The following PDE11A variants were observed in gnomAD, a reference collection of about 807,000 sequenced individuals.
PDE11A encodes the protein dual 3',5'-cyclic-AMP and -GMP phosphodiesterase 11A.
In PDE11A, 100 loss-of-function variants were observed where a neutral mutation model predicts 100.5. The observed-to-expected ratio is 1.00, with a 90% confidence interval of 0.85 to 1.18. PDE11A has a LOEUF of 1.18. Ranked by LOEUF, PDE11A falls within the 50% of genes most tolerant of loss-of-function variation. The probability of loss-of-function intolerance (pLI) is 0.00; values close to 1 mark genes in which losing one functional copy is unlikely to be tolerated. For missense variants in PDE11A, 1,141 were observed against 1,152.6 expected (o/e 0.99, Z 0.15); for synonymous variants, 381 against 420.8 (o/e 0.91, Z 1.16).
intron 2 of PDE11A, among the ~76,000 whole-genome samples, chr2:178,089,703 T>G (rs2087397956): frequency 6.6e-6 from 1 of 152,214 alleles, no homozygotes; most frequent in African/African-American, 2.4e-5. Flanking sequence ...AAACGATCTT[T>G]GTTAATGGCT....
At chr2:177,985,372 A>T (rs1435068029) in intron 2 of PDE11A, among the ~76,000 whole-genome samples, 1 of 152,186 alleles carries the variant, frequency 6.6e-6, no homozygotes, top group Admixed American at 6.6e-5. Flanking sequence ...TCATTGAAGG[A>T]TTGACACAAT....
At chr2:177,786,627 T>C (rs189302632) in intron 9 of PDE11A, among the ~76,000 whole-genome samples, 4,661 of 152,128 alleles carry the variant, frequency 0.031, 104 homozygotes, top group Non-Finnish European at 0.047. Context: ...GGCAAAGAAG[T>C]TAAAAACTTT....
chr2:177,750,552 T>A (rs1440559988), intron 10 of PDE11A, among the ~76,000 whole-genome samples: 1 of 152,208 alleles, frequency 6.6e-6, no homozygotes, highest in Non-Finnish European at 1.5e-5. Flanking sequence ...TTTGACAATG[T>A]GAGGCCAAGG....
intron 9 of PDE11A, among the ~76,000 whole-genome samples, chr2:177,800,713 A>T (rs1284806685): frequency 1.3e-5 from 2 of 152,096 alleles, no homozygotes; most frequent in African/African-American, 4.8e-5. Flanking sequence ...AGGGATCCAG[A>T]ATCCACTGAG....
At chr2:177,898,021 C>T in intron 4 of PDE11A, 37 bp downstream of exon 4, 1 of 1,521,518 alleles carries the variant, frequency 6.6e-7, no homozygotes, top group East Asian at 2.3e-5. Context: ...ATTCCATTCA[C>T]ACAGTCTTCA....
At chr2:178,098,818 T>C (rs555054244) in intron 2 of PDE11A, among the ~76,000 whole-genome samples, 16 of 152,310 alleles carry the variant, frequency 1.1e-4, no homozygotes, top group African/African-American at 3.6e-4. Context: ...ATTCAATGTG[T>C]TCCTACTGCA....
At chr2:177,681,908 T>A (rs1013462955) in intron 15 of PDE11A, among the ~76,000 whole-genome samples, 13 of 152,226 alleles carry the variant, frequency 8.5e-5, no homozygotes, top group Non-Finnish European at 1.2e-4. Context: ...TATATTTATT[T>A]GACATATTTT....
intron 4 of PDE11A, among the ~76,000 whole-genome samples, chr2:177,884,953 T>C (rs1284447428): frequency 6.6e-6 from 1 of 152,098 alleles, no homozygotes; most frequent in African/African-American, 2.4e-5. Context: ...ACTTACTAAA[T>C]GGTGATGGTT....
At chr2:178,066,402 T>C (rs961599653) in intron 1 of PDE11A, among the ~76,000 whole-genome samples, 1 of 152,166 alleles carries the variant, frequency 6.6e-6, no homozygotes, top group Non-Finnish European at 1.5e-5. Context: ...CTTTTTATCA[T>C]TGAATTTGTG....
At chr2:177,741,692 T>C (rs1395216703) in intron 10 of PDE11A, among the ~76,000 whole-genome samples, 1 of 152,152 alleles carries the variant, frequency 6.6e-6, no homozygotes, top group Non-Finnish European at 1.5e-5. Context: ...GAAAGAAATA[T>C]ATTCAATATG....
At chr2:178,076,755 T>C (rs895707891), upstream of PDE11A, among the ~76,000 whole-genome samples, 1 of 152,366 alleles carries the variant, frequency 6.6e-6, no homozygotes, top group Admixed American at 6.5e-5. Context: ...CTCACAATTC[T>C]GTAGGTTAAC....
intron 2 of PDE11A, among the ~76,000 whole-genome samples, chr2:177,935,687 G>A (rs1238398046): frequency 6.6e-6 from 1 of 152,194 alleles, no homozygotes; most frequent in Non-Finnish European, 1.5e-5. Context: ...ATCTGTTGGG[G>A]CAGGATGCTC....
At chr2:177,798,834 TG>T (rs1169105350) in intron 9 of PDE11A, among the ~76,000 whole-genome samples, 1 of 152,072 alleles carries the variant, frequency 6.6e-6, no homozygotes, top group African/African-American at 2.4e-5. Context: ...TTCAAGGAGG[TG>T]GAGCATAACT....
chr2:177,906,738 T>C (rs970356212), intron 2 of PDE11A, among the ~76,000 whole-genome samples: 35 of 152,258 alleles, frequency 2.3e-4, no homozygotes, highest in Admixed American at 2.3e-3. Flanking sequence ...CCTTAGAAAG[T>C]CTGTCCATAA....
At chr2:177,867,092 C>T (rs943286933) in intron 5 of PDE11A, among the ~76,000 whole-genome samples, 1 of 152,110 alleles carries the variant, frequency 6.6e-6, no homozygotes, top group Admixed American at 6.5e-5. Context: ...TGTGTGTATA[C>T]TTGTGTGTGT....
chr2:178,070,772 A>T (rs533999052), intron 1 of PDE11A, among the ~76,000 whole-genome samples: 1 of 152,118 alleles, frequency 6.6e-6, no homozygotes, highest in East Asian at 1.9e-4. Context: ...TTGCTAAAAA[A>T]TTATCAATAT....
intron 15 of PDE11A, among the ~76,000 whole-genome samples, chr2:177,686,470 G>A (rs922343110): frequency 1.3e-5 from 2 of 152,144 alleles, no homozygotes; most frequent in African/African-American, 4.8e-5. Flanking sequence ...GGGAGGCTGA[G>A]GTGGGAGGAT....
chr2:177,806,280 C>A (rs890068272), intron 9 of PDE11A, among the ~76,000 whole-genome samples: 1 of 152,056 alleles, frequency 6.6e-6, no homozygotes, highest in African/African-American at 2.4e-5. Context: ...CAATTCAAAC[C>A]CCTCCCAGCT....
At chr2:177,794,055 T>A (rs780959383) in intron 9 of PDE11A, among the ~76,000 whole-genome samples, 1 of 152,000 alleles carries the variant, frequency 6.6e-6, no homozygotes, top group Non-Finnish European at 1.5e-5. Flanking sequence ...GGGCTTATGA[T>A]CTAGAGTGGA....
Sources: gnomAD v4.1 joint callset for allele counts (sites outside exome capture counted in the v4.1 genomes callset) on GRCh38, gnomAD v4.1.1 for gene constraint, MANE v1.5 for transcripts, NCBI Gene and HGNC (gene_info 2026-07-23, HGNC 2026-07-21) for gene names.